SSH2: variants seen among roughly 807,000 people sequenced by gnomAD.
SSH2 encodes the protein slingshot protein phosphatase 2.
A neutral mutation model predicts 135.2 loss-of-function variants in SSH2; 37 were observed. The observed-to-expected ratio is 0.27, with a 90% CI of 0.21 to 0.36. The LOEUF (loss-of-function observed/expected upper bound fraction) is 0.36, where lower values mean the gene tolerates loss of function less well. SSH2 is among the 10% of genes least tolerant of loss of function. SSH2 has a pLI of 1.00. For synonymous variants in SSH2, 628 were observed against 646.2 expected (o/e 0.97, Z 0.43); for missense variants, 1,408 against 1,765.3 (o/e 0.80, Z 3.63).
intron 14 of SSH2, among the ~76,000 whole-genome samples, chr17:29,637,820 C>G (rs1015746100): frequency 6.6e-6 from 1 of 150,588 alleles, no homozygotes; most frequent in Non-Finnish European, 1.5e-5. Context: ...AAGATATATA[C>G]AGATATTTAC....
intron 3 of SSH2, among the ~76,000 whole-genome samples, chr17:29,782,510 T>A (rs1172750426): frequency 6.6e-6 from 1 of 152,224 alleles, no homozygotes; most frequent in Non-Finnish European, 1.5e-5. Flanking sequence ...GTTATACATT[T>A]TTTCTTTTTT....
intron 12 of SSH2, among the ~76,000 whole-genome samples, chr17:29,655,135 G>A (rs974549336): frequency 2.0e-5 from 3 of 151,724 alleles, no homozygotes; most frequent in East Asian, 3.9e-4. Flanking sequence ...ATGGTGTCTC[G>A]CTCTGTCACC....
At chr17:29,702,816 G>T in intron 4 of SSH2, 143 bp downstream of exon 4, 1 of 664,720 alleles carries the variant, frequency 1.5e-6, no homozygotes, top group African/African-American at 1.8e-5. Context: ...GGTCTGTGAG[G>T]GTAAAAGTCA....
At chr17:29,920,656 T>C (rs932501397) in intron 1 of SSH2, among the ~76,000 whole-genome samples, 10 of 152,294 alleles carry the variant, frequency 6.6e-5, no homozygotes, top group South Asian at 6.2e-4. Context: ...CTTCACATCA[T>C]GTAGTAAAAT....
chr17:29,692,118 C>T (rs1216994811), intron 5 of SSH2, among the ~76,000 whole-genome samples: 5 of 148,400 alleles, frequency 3.4e-5, no homozygotes, highest in South Asian at 2.1e-4. Flanking sequence ...CCAGACTGGG[C>T]GACAGAGCAA....
intron 2 of SSH2, among the ~76,000 whole-genome samples, chr17:29,841,460 T>C (rs1350348884): frequency 6.6e-6 from 1 of 152,220 alleles, no homozygotes; most frequent in African/African-American, 2.4e-5. Flanking sequence ...CTTAAATTTA[T>C]ACTAGATTTG....
At chr17:29,908,068 G>A (rs1021195505) in intron 1 of SSH2, among the ~76,000 whole-genome samples, 31 of 151,268 alleles carry the variant, frequency 2.0e-4, no homozygotes, top group African/African-American at 6.8e-4. Flanking sequence ...TTCCCACCTC[G>A]GCCTCCCAAA....
intron 1 of SSH2, among the ~76,000 whole-genome samples, chr17:29,871,527 C>T (rs182704310): frequency 1.6e-4 from 25 of 152,262 alleles, no homozygotes; most frequent in Admixed American, 1.6e-3. Context: ...AATTCTTTTT[C>T]ATGTCAGTGT....
intron 1 of SSH2, among the ~76,000 whole-genome samples, chr17:29,885,110 G>A (rs1432065312): frequency 5.3e-5 from 8 of 151,996 alleles, no homozygotes; most frequent in Non-Finnish European, 1.2e-4. Context: ...CTTGGCTCTT[G>A]CCTACTTAGT....
chr17:29,917,081 G>C (rs565229125), intron 1 of SSH2, among the ~76,000 whole-genome samples: 16 of 150,684 alleles, frequency 1.1e-4, no homozygotes, highest in Non-Finnish European at 2.4e-4. Context: ...GAAAAGTACA[G>C]AGGTGGGAGA....
At chr17:29,846,327 C>T (rs1236458564) in intron 2 of SSH2, among the ~76,000 whole-genome samples, 1 of 152,184 alleles carries the variant, frequency 6.6e-6, no homozygotes, top group Non-Finnish European at 1.5e-5. Flanking sequence ...AGCCACTGTG[C>T]CCAGTCTGAA....
chr17:29,680,211 G>GC (rs1451724383), intron 6 of SSH2, among the ~76,000 whole-genome samples: 3 of 151,994 alleles, frequency 2.0e-5, no homozygotes, highest in Admixed American at 1.3e-4. Context: ...GTTAAAGGAG[G>GC]CTAGCCCTTA....
chr17:29,862,862 C>T (rs564032768), intron 1 of SSH2, among the ~76,000 whole-genome samples: 1 of 152,286 alleles, frequency 6.6e-6, no homozygotes, highest in Admixed American at 6.5e-5. Context: ...AAATCTCACC[C>T]ATCCTTCAAA....
chr17:29,836,463 G>T (rs1184979253), intron 2 of SSH2, among the ~76,000 whole-genome samples: 2 of 152,174 alleles, frequency 1.3e-5, no homozygotes, highest in African/African-American at 4.8e-5. Context: ...GCCTGCCACA[G>T]AGTAGACTTA....
At chr17:29,876,420 T>C (rs2066031799) in intron 1 of SSH2, among the ~76,000 whole-genome samples, 1 of 152,152 alleles carries the variant, frequency 6.6e-6, no homozygotes, top group Non-Finnish European at 1.5e-5. Context: ...TAGAGTTGTT[T>C]GGAGCTCCTC....
In SSH2 at chr17:29,724,579, ATCT is replaced by A. The variant is rs1428151782; in HGVS notation, c.189-21520_189-21518del. Among the ~76,000 whole-genome samples, 9 of 122,628 alleles carry A rather than the reference ATCT, an allele frequency of 7.3e-5. No individual in the cohort carries two copies. The South Asian group carries it at 2.1e-3, about 28-fold the overall frequency. 80.4% of individuals were successfully genotyped at this position (122,628 alleles called of 152,430 possible). On this transcript the variant is annotated intron_variant, in intron 3 of 15. Coordinates refer to ENST00000540801, the MANE Select transcript of SSH2 (RefSeq NM_001282129.2). ...CTATTCTAAGGACCCAGATTACCAA[ATCT>A]TTTTTTTTTTTTTTTTTTTTTTCAA... is the stretch of plus-strand genomic sequence containing the variant.
rs1183088819 is a variant in SSH2 at position 29,636,501 on chromosome 17, C to T, written c.1729G>A (p.Asp577Asn). 1 of 1,614,190 alleles carries T rather than the reference C, an allele frequency of 6.2e-7. No homozygotes were observed. The highest frequency in any genetic ancestry group is 1.1e-5 in the South Asian group (1 of 91,082). The stretch of plus-strand genomic sequence containing the variant: ...CACCCTGATGAGCATCCATTGATGT[C>T]ATTTAAGTTTAATTCATCCTCAATC... ...GQIEDELNLN[D>N]INGCSSGCCL... is the part of the protein sequence containing the mutation. The change falls in exon 15 of 16, where the codon GAC (aspartate) becomes AAC (asparagine). Residue 577 changes from aspartate to asparagine, a missense_variant. By Grantham distance (23) the Asp-to-Asn change is conservative. This residue lies in a region of SSH2 where 1,080 missense variants were observed against 1,144.5 expected (regional missense o/e 0.94). Transcript: ENST00000540801.
intron 2 of SSH2, among the ~76,000 whole-genome samples, chr17:29,835,824 A>T (rs1280428956): frequency 1.3e-5 from 2 of 151,878 alleles, no homozygotes; most frequent in Non-Finnish European, 2.9e-5. Flanking sequence ...CTAAAAATAC[A>T]AAAAAATTAG....
intron 3 of SSH2, among the ~76,000 whole-genome samples, chr17:29,745,446 C>T (rs1242909315): frequency 2.0e-5 from 3 of 152,202 alleles, no homozygotes; most frequent in Non-Finnish European, 4.4e-5. Flanking sequence ...AGGCGTGAGC[C>T]ACCGCACCCA....
Sources: gnomAD v4.1 joint callset for allele counts (sites outside exome capture counted in the v4.1 genomes callset) on GRCh38, gnomAD v4.1.1 for gene constraint, gnomAD v4.1.1 regional missense constraint, MANE v1.5 for transcripts, NCBI Gene and HGNC (gene_info 2026-07-23, HGNC 2026-07-21) for gene names.